The following DENND2A variants were observed in gnomAD, a reference collection of about 807,000 sequenced individuals.
DENND2A encodes DENN domain-containing protein 2A.
A neutral mutation model predicts 105.3 loss-of-function variants in DENND2A; 53 were observed. That is an observed-to-expected ratio of 0.50 (90% CI 0.40 to 0.63). DENND2A has a LOEUF of 0.63. Ranked by LOEUF, DENND2A falls within the 30% of genes least tolerant of loss-of-function variation. DENND2A has a pLI of 0.00. For synonymous variants in DENND2A, 522 were observed against 508.4 expected, an observed-to-expected ratio of 1.03 and a Z score of -0.36; for missense variants, 1,138 against 1,279.6, an observed-to-expected ratio of 0.89 and a Z score of 1.69.
chr7:140,537,511 A>G (rs1287541875), intron 14 of DENND2A, among the ~76,000 whole-genome samples: 1 of 152,220 alleles, frequency 6.6e-6, no homozygotes, highest in South Asian at 2.1e-4. Context: ...TGGTGCAGTC[A>G]TAGCTCACTA....
rs758468568 is a variant in DENND2A, at chr7:140,601,675, C to T, written c.723G>A (p.Arg241=). The T allele has an allele frequency of 1.9e-6, 3 of 1,613,656 alleles. No homozygotes were observed. Among genetic ancestry groups the T allele is most frequent in the Non-Finnish European group, 2.5e-6 (3 of 1,179,696 alleles). Residue 241 remains arginine, a synonymous_variant, in exon 3 of 20, where the codon AGG becomes AGA. Coordinates refer to ENST00000496613, the MANE Select transcript of DENND2A (RefSeq NM_015689.5). The part of the protein sequence containing the change: ...LVEDRKGSCR[R]PWDRSLENVY... ...CGTTCTCAAGGCTCCGGTCCCAGGG[C>T]CTTCTGCATGAACCTTTCCTGTCCT...
intron 14 of DENND2A, among the ~76,000 whole-genome samples, chr7:140,529,752 T>G (rs948505483): frequency 1.3e-5 from 2 of 151,348 alleles, no homozygotes; most frequent in African/African-American, 4.9e-5. Context: ...AGGAGAACAC[T>G]TGGACACAGG....
chr7:140,559,881 G>T lies in DENND2A; in HGVS notation c.1780-64C>A. 8.5e-7 allele frequency: 1 copy of T among 1,176,526 alleles called. No individual in the cohort carries two copies. The highest frequency in any genetic ancestry group is 1.3e-6 in the Non-Finnish European group (1 of 793,732). 72.9% of individuals were successfully genotyped at this position (1,176,526 alleles called of 1,614,324 possible). A position where few individuals can be genotyped will look rare whatever the true frequency, so the allele number is the denominator to read the frequency against. ...CTCAGCATGGGAAATTGAGGCGGAT[G>T]ATGGTAAGGATGGCCTCTCCCACCT... On this transcript the variant is annotated intron_variant, in intron 9 of 19. Transcript: ENST00000496613. This position sits in a 1 kb window ranked among gnomAD's most constrained non-coding sequence, Gnocchi z 4.1.
intron 1 of DENND2A, among the ~76,000 whole-genome samples, chr7:140,639,672 T>C (rs1319692599): frequency 6.6e-6 from 1 of 152,244 alleles, no homozygotes; most frequent in East Asian, 1.9e-4. Context: ...CCCCAGCCCA[T>C]TACTGTCCGA....
rs73736642 is a variant in DENND2A, at chr7:140,611,013, C to T, written c.-247-5207G>A. On this transcript the variant is annotated intron_variant, in intron 1 of 19. Transcript: ENST00000496613. ...ACTAGTGGCCTGAGGCCTGGCCTCT[C>T]GGACCGCTGCTTCTGATAACAGAGC... 4.0e-3 allele frequency among the ~76,000 whole-genome samples: 609 copies of T among 152,324 alleles called. 2 individuals are homozygous for T. The highest frequency in any genetic ancestry group is 0.014 in the African/African-American group (564 of 41,574).
intron 1 of DENND2A, among the ~76,000 whole-genome samples, chr7:140,626,688 C>T (rs1467507698): frequency 6.6e-6 from 1 of 152,196 alleles, no homozygotes; most frequent in Non-Finnish European, 1.5e-5. Flanking sequence ...CCCTCTTTTG[C>T]TGGCTTCTGT....
rs184588480 is a variant in DENND2A at position 140,610,232 on chromosome 7, A to G, written c.-247-4426T>C. ...GCAATCCTCCCACCTTGGCCTCCCA[A>G]AGTATTAGGATTACAGACATGAGCC... On this transcript the variant is annotated intron_variant, in intron 1 of 19. Coordinates refer to ENST00000496613, the MANE Select transcript of DENND2A (RefSeq NM_015689.5). Among the ~76,000 whole-genome samples, 132 of 151,748 alleles carry G rather than the reference A, an allele frequency of 8.7e-4. 1 individual carries two copies. Among genetic ancestry groups the G allele is most frequent in the African/African-American group, 3.1e-3 (129 of 41,368 alleles).
At chr7:140,620,350 G>C (rs572607294) in intron 1 of DENND2A, among the ~76,000 whole-genome samples, 3 of 43,286 alleles carry the variant, frequency 6.9e-5, no homozygotes, top group East Asian at 5.8e-4. Context: ...TAAAAGGGGT[G>C]GGGGGGGGGA....
chr7:140,563,884 G>A (rs953551699), intron 9 of DENND2A, among the ~76,000 whole-genome samples: 4 of 151,974 alleles, frequency 2.6e-5, no homozygotes, highest in East Asian at 1.9e-4. Context: ...AAGATGAGGC[G>A]GGAAGGCTCA....
chr7:140,532,231 T>C (rs1335005895), intron 14 of DENND2A, among the ~76,000 whole-genome samples: 1 of 152,160 alleles, frequency 6.6e-6, no homozygotes, highest in Non-Finnish European at 1.5e-5. Context: ...ATCACGCTGC[T>C]GCACTCCAGT....
chr7:140,594,570 T>C lies in DENND2A; in HGVS notation c.996-6790A>G, dbSNP rs549569186. Reference sequence around the variant, plus strand: ...TTCCTCACAGCACTGACAGGAGTTATGATCACGACACCAGCTGTGTCCTTC... The same window carrying C: ...TTCCTCACAGCACTGACAGGAGTTACGATCACGACACCAGCTGTGTCCTTC... On this transcript the variant is annotated intron_variant, in intron 3 of 19. Transcript: ENST00000496613. Among the ~76,000 whole-genome samples, 13 of 152,336 alleles carry C rather than the reference T, an allele frequency of 8.5e-5. No individual in the cohort carries two copies. In the South Asian group the frequency reaches 2.1e-3, roughly 24 times the overall value.
intron 12 of DENND2A, among the ~76,000 whole-genome samples, chr7:140,549,790 G>A (rs1362029127): frequency 6.6e-6 from 1 of 152,022 alleles, no homozygotes; most frequent in Non-Finnish European, 1.5e-5. Context: ...ATATTTATTT[G>A]GACACCTATG....
chr7:140,586,187 A>G (rs1050347628), intron 4 of DENND2A, among the ~76,000 whole-genome samples: 1 of 151,850 alleles, frequency 6.6e-6, no homozygotes, highest in Non-Finnish European at 1.5e-5. Flanking sequence ...GGACGCTGGG[A>G]AGCCTGCTGA....
At chr7:140,585,753 G>A in intron 4 of DENND2A, 43 bp from the exon 5 acceptor site, 1 of 1,612,828 alleles carries the variant, frequency 6.2e-7, no homozygotes, top group South Asian at 1.1e-5. Context: ...GAACACTGAG[G>A]ACATTTCCCT....
intron 1 of DENND2A, among the ~76,000 whole-genome samples, chr7:140,606,353 T>C (rs1328696001): frequency 6.6e-6 from 1 of 152,072 alleles, no homozygotes; most frequent in Non-Finnish European, 1.5e-5. Flanking sequence ...TTTGCATATA[T>C]CTTTTAGCTA....
intron 3 of DENND2A, among the ~76,000 whole-genome samples, chr7:140,592,841 G>A (rs767887230): frequency 2.4e-4 from 36 of 151,956 alleles, no homozygotes; most frequent in Non-Finnish European, 4.7e-4. Flanking sequence ...GGGCTCAAGC[G>A]ACCCACCCAC....
At chr7:140,588,330 C>A (rs1798871736) in intron 3 of DENND2A, among the ~76,000 whole-genome samples, 1 of 151,944 alleles carries the variant, frequency 6.6e-6, no homozygotes, top group South Asian at 2.1e-4. Flanking sequence ...AAATAAAATC[C>A]CAACTTTGTA....
chr7:140,608,404 T>C, intron 1 of DENND2A, among the ~76,000 whole-genome samples: 1 of 152,156 alleles, frequency 6.6e-6, no homozygotes, highest in East Asian at 1.9e-4. Flanking sequence ...TGGCTGGGCA[T>C]GGTAGCTCAC....
rs374255633 is a variant in DENND2A at position 140,601,508 on chromosome 7, G to C, written c.890C>G (p.Pro297Arg). Residue 297 changes from proline (P) to arginine (R), a missense_variant, in exon 3 of 20, where the codon CCT (proline) becomes CGT (arginine). Transcript: ENST00000496613. ...IGFRKEKRNL[P>R]PLPSLPPPPL... ...CGGGGGAGGTAGAGAGGGCAGAGGA[G>C]GCAGATTTCTTTTCTCTTTCCTGAA... The C allele has an allele frequency of 1.7e-3, 2,702 of 1,614,140 alleles. 67 individuals carry two copies. In the South Asian group the frequency reaches 0.028, roughly 17 times the overall value.
Sources: allele counts gnomAD v4.1 joint callset (sites outside exome capture counted in the v4.1 genomes callset), GRCh38; gene constraint gnomAD v4.1.1; non-coding constraint Gnocchi (gnomAD v3.1); transcripts MANE v1.5; gene names NCBI Gene and HGNC (gene_info 2026-07-23, HGNC 2026-07-21).